TNNI3K: variants seen among roughly 807,000 people sequenced by gnomAD.
TNNI3K encodes TNNI3 interacting kinase, also known as serine/threonine-protein kinase TNNI3K.
A neutral mutation model predicts 114.5 loss-of-function variants in TNNI3K; 140 were observed. That is an observed-to-expected ratio of 1.22 (90% CI 1.07 to 1.41). TNNI3K has a LOEUF of 1.41. Ranked by LOEUF, TNNI3K falls within the 40% of genes most tolerant of loss-of-function variation. TNNI3K has a pLI of 0.00. For missense variants in TNNI3K, 1,125 were observed against 1,007.6 expected (o/e 1.12, Z -1.58); for synonymous variants, 347 against 347.5 (o/e 1.00, Z 0.02).
intron 20 of TNNI3K, among the ~76,000 whole-genome samples, chr1:74,452,613 T>G (rs567120890): frequency 6.6e-6 from 1 of 152,322 alleles, no homozygotes; most frequent in South Asian, 2.1e-4. Context: ...CAGCTTTGCT[T>G]ATCATCTTTT....
chr1:74,313,861 C>T (rs1223008691), intron 5 of TNNI3K, among the ~76,000 whole-genome samples: 7 of 151,720 alleles, frequency 4.6e-5, no homozygotes, highest in African/African-American at 1.7e-4. Context: ...AAATTTAATC[C>T]TCACTTAATG....
chr1:74,449,386 C>A (rs1666878537), intron 20 of TNNI3K, among the ~76,000 whole-genome samples: 1 of 151,636 alleles, frequency 6.6e-6, no homozygotes, highest in African/African-American at 2.4e-5. Flanking sequence ...AGCGGTCTAT[C>A]AATTTTGTTG....
intron 23 of TNNI3K, among the ~76,000 whole-genome samples, chr1:74,515,330 T>A (rs1646334044): frequency 1.3e-5 from 2 of 152,148 alleles, no homozygotes; most frequent in African/African-American, 4.8e-5. Context: ...TTTTCCTTCA[T>A]CATTTGGGAC....
chr1:74,348,419 A>G (rs1661140683), intron 9 of TNNI3K, among the ~76,000 whole-genome samples: 1 of 152,196 alleles, frequency 6.6e-6, no homozygotes, highest in Admixed American at 6.5e-5. Flanking sequence ...TATAGTTTGA[A>G]GTCAGGTAGC....
At chr1:74,358,975 T>G (rs1407385325) in intron 11 of TNNI3K, among the ~76,000 whole-genome samples, 1 of 152,032 alleles carries the variant, frequency 6.6e-6, no homozygotes, top group African/African-American at 2.4e-5. Flanking sequence ...CTTTAAATTT[T>G]TATTATCTTT....
rs1375352048 is a variant in TNNI3K, at chr1:74,306,538, G to T, written c.445-24912G>T. ...CTTTTCTCTGCGTCCATGCCAACAT[G>T]TGTTAGTTTTTGACTTTTTAATAAT... On this transcript the variant is annotated intron_variant, in intron 5 of 24. Transcript: ENST00000326637. 3.3e-5 allele frequency among the ~76,000 whole-genome samples: 5 copies of T among 152,200 alleles called. No homozygotes were observed. The East Asian group carries it at 7.7e-4, about 23-fold the overall frequency.
In TNNI3K at chr1:74,267,645, C is replaced by A. The variant is rs186545210; in HGVS notation, c.334-3953C>A. Among the ~76,000 whole-genome samples, 728 of 151,956 alleles carry A rather than the reference C, an allele frequency of 4.8e-3. 2 individuals are homozygous for A. Among genetic ancestry groups the A allele is most frequent in the Non-Finnish European group, 7.1e-3 (480 of 67,888 alleles). On this transcript the variant is annotated intron_variant, in intron 4 of 24. Coordinates refer to ENST00000326637, the MANE Select transcript of TNNI3K (RefSeq NM_015978.3). The stretch of plus-strand genomic sequence containing the variant: ...CTCATAGTAAGCAATTTATATGCAG[C>A]AATTACTGCTTTATGTTTATTATCT...
At chr1:74,538,325 T>C (rs1248326628) in intron 23 of TNNI3K, among the ~76,000 whole-genome samples, 1 of 152,114 alleles carries the variant, frequency 6.6e-6, no homozygotes, top group African/African-American at 2.4e-5. Flanking sequence ...GCTTTTATTA[T>C]AATAAGACCC....
chr1:74,465,036 G>A (rs949090782), intron 21 of TNNI3K: 4 of 1,066,194 alleles, frequency 3.8e-6, no homozygotes, highest in African/African-American at 3.3e-5. Flanking sequence ...TTGTATTTCA[G>A]TGTGAACCTC....
chr1:74,249,043 A>G (rs894658530), intron 2 of TNNI3K, among the ~76,000 whole-genome samples: 1 of 151,832 alleles, frequency 6.6e-6, no homozygotes, highest in African/African-American at 2.4e-5. Flanking sequence ...CAATTTTCTG[A>G]TTTCTGATTT....
At chr1:74,400,509 T>C (rs765224346) in intron 17 of TNNI3K, among the ~76,000 whole-genome samples, 1 of 152,230 alleles carries the variant, frequency 6.6e-6, no homozygotes, top group Non-Finnish European at 1.5e-5. Flanking sequence ...TCCCCTAGGA[T>C]AGTATATCAA....
intron 11 of TNNI3K, among the ~76,000 whole-genome samples, chr1:74,358,835 CA>C (rs35466563): frequency 0.29 from 43,886 of 151,690 alleles, 7,797 homozygotes; most frequent in Middle Eastern, 0.43. Flanking sequence ...AGATAACTCA[CA>C]AAAATGTTTT....
intron 9 of TNNI3K, among the ~76,000 whole-genome samples, chr1:74,352,831 G>T (rs1031448327): frequency 6.6e-6 from 1 of 151,842 alleles, no homozygotes; most frequent in African/African-American, 2.4e-5. Context: ...GCAGTATTAG[G>T]GTGGGAGTGA....
intron 5 of TNNI3K, among the ~76,000 whole-genome samples, chr1:74,290,290 C>T (rs957367024): frequency 1.3e-5 from 2 of 150,638 alleles, no homozygotes; most frequent in African/African-American, 4.9e-5. Context: ...GGTAACTAAG[C>T]ATTTTAAGCC....
intron 20 of TNNI3K, among the ~76,000 whole-genome samples, chr1:74,449,840 G>A (rs984898720): frequency 4.0e-5 from 6 of 149,656 alleles, no homozygotes; most frequent in Non-Finnish European, 8.9e-5. Flanking sequence ...ACATTAGATA[G>A]ATCAACGAGA....
chr1:74,476,978 A>G (rs1196108045), intron 21 of TNNI3K, among the ~76,000 whole-genome samples: 3 of 152,142 alleles, frequency 2.0e-5, no homozygotes, highest in Non-Finnish European at 2.9e-5. Context: ...TTGAACTCTT[A>G]AATCTATTTT....
At chr1:74,323,937 G>A (rs1254273708) in intron 5 of TNNI3K, among the ~76,000 whole-genome samples, 1 of 152,160 alleles carries the variant, frequency 6.6e-6, no homozygotes, top group Non-Finnish European at 1.5e-5. Flanking sequence ...AGGCAGAGAG[G>A]TAGAAAGAAA....
intron 4 of TNNI3K, among the ~76,000 whole-genome samples, chr1:74,252,847 G>C (rs533140317): frequency 3.9e-5 from 6 of 152,168 alleles, no homozygotes; most frequent in Non-Finnish European, 7.4e-5. Context: ...AAGATTTATT[G>C]CAAAGAGCTG....
chr1:74,494,285 C>A (rs1202145324), intron 23 of TNNI3K, among the ~76,000 whole-genome samples: 1 of 152,194 alleles, frequency 6.6e-6, no homozygotes, highest in African/African-American at 2.4e-5. Flanking sequence ...ATACAATCTA[C>A]AAATTGCAAT....
Sources: allele counts gnomAD v4.1 joint callset (sites outside exome capture counted in the v4.1 genomes callset), GRCh38; gene constraint gnomAD v4.1.1; transcripts MANE v1.5; gene names NCBI Gene and HGNC (gene_info 2026-07-23, HGNC 2026-07-21).